CMSS1: variants seen among roughly 807,000 people sequenced by gnomAD.
CMSS1 encodes protein CMSS1.
In CMSS1, 33 loss-of-function variants were observed where a neutral mutation model predicts 43.5. That is an observed-to-expected ratio of 0.76 (90% CI 0.57 to 1.01). The LOEUF is 1.01. Ranked by LOEUF, CMSS1 falls within the 50% of genes least tolerant of loss-of-function variation. The pLI is 0.00. For synonymous variants in CMSS1, 115 were observed against 117.2 expected, an observed-to-expected ratio of 0.98 and a Z score of 0.12; for missense variants, 313 against 326.4, an observed-to-expected ratio of 0.96 and a Z score of 0.32.
chr3:99,950,006 C>A (rs925454502), intron 1 of CMSS1, among the ~76,000 whole-genome samples: 3 of 152,118 alleles, frequency 2.0e-5, no homozygotes, highest in African/African-American at 4.8e-5. Flanking sequence ...CAAAGGTATG[C>A]TTCTACCTTC....
intron 1 of CMSS1, among the ~76,000 whole-genome samples, chr3:100,033,692 C>CT (rs2065058346): frequency 6.6e-6 from 1 of 152,070 alleles, no homozygotes; most frequent in African/African-American, 2.4e-5. Context: ...GAAAGTGCCT[C>CT]TTTGACAATT....
At chr3:100,121,797 C>T (rs2066623894) in intron 1 of CMSS1, among the ~76,000 whole-genome samples, 1 of 152,114 alleles carries the variant, frequency 6.6e-6, no homozygotes, top group South Asian at 2.1e-4. Flanking sequence ...GGTGTCACCT[C>T]AATACATGTT....
At chr3:100,054,399 G>A (rs966368753) in intron 1 of CMSS1, among the ~76,000 whole-genome samples, 2 of 152,184 alleles carry the variant, frequency 1.3e-5, no homozygotes, top group African/African-American at 4.8e-5. Context: ...GGCCAGAGCT[G>A]GGGAGTGGCT....
At chr3:99,848,119 AGGCAACAGTTAGTTTCAGATACTC>A in intron 1 of CMSS1, 2 of 1,465,826 alleles carry the variant, frequency 1.4e-6, no homozygotes. Context: ...ATGACTATGC[AGGCAACAGTTAGTTTCAGATACTC>A]TTGTATAGTT....
intron 1 of CMSS1, among the ~76,000 whole-genome samples, chr3:99,959,503 G>A (rs1294210628): frequency 6.6e-6 from 1 of 152,080 alleles, no homozygotes; most frequent in Non-Finnish European, 1.5e-5. Context: ...AAAAAGAAGA[G>A]GAATTAAGTC....
At chr3:99,886,113 G>A (rs951619906) in intron 1 of CMSS1, among the ~76,000 whole-genome samples, 7 of 152,358 alleles carry the variant, frequency 4.6e-5, no homozygotes, top group African/African-American at 1.7e-4. Context: ...GTGTGCACAC[G>A]TGCACATGGA....
At chr3:100,042,743 G>T (rs1206964893) in intron 1 of CMSS1, among the ~76,000 whole-genome samples, 2 of 152,098 alleles carry the variant, frequency 1.3e-5, no homozygotes, top group African/African-American at 2.4e-5. Context: ...TAACCCAGTT[G>T]CTATAACCAT....
At chr3:100,040,398 T>C (rs1015042651) in intron 1 of CMSS1, 8 of 152,220 alleles carry the variant, frequency 5.3e-5, no homozygotes, top group Non-Finnish European at 1.2e-4. Context: ...TAGTTCCAGA[T>C]AATAGCATTC....
intron 1 of CMSS1, among the ~76,000 whole-genome samples, chr3:99,878,854 G>A (rs1299897708): frequency 6.6e-6 from 1 of 152,182 alleles, no homozygotes; most frequent in Non-Finnish European, 1.5e-5. Flanking sequence ...AAGTAGATGA[G>A]TAGACTTTTA....
At chr3:100,127,795 T>C (rs1205594192) in intron 1 of CMSS1, among the ~76,000 whole-genome samples, 1 of 152,162 alleles carries the variant, frequency 6.6e-6, no homozygotes, top group East Asian at 1.9e-4. Context: ...CTTGTTGAAG[T>C]AGTTGTGCTT....
chr3:99,959,122 A>G (rs1239479806), intron 1 of CMSS1, among the ~76,000 whole-genome samples: 3 of 152,178 alleles, frequency 2.0e-5, no homozygotes, highest in Admixed American at 6.5e-5. Flanking sequence ...GTAAATGTTC[A>G]AGTAGTTTCC....
chr3:99,881,539 T>C (rs1390751380), intron 1 of CMSS1, among the ~76,000 whole-genome samples: 11 of 148,212 alleles, frequency 7.4e-5, no homozygotes, highest in Admixed American at 1.3e-4. Flanking sequence ...CTCTCTCTCT[T>C]TTTTTTTTTT....
At chr3:99,897,860 A>G (rs1706309080) in intron 1 of CMSS1, among the ~76,000 whole-genome samples, 1 of 152,238 alleles carries the variant, frequency 6.6e-6, no homozygotes, top group South Asian at 2.1e-4. Context: ...CTGCTGAAAT[A>G]TATGTGGTAA....
intron 1 of CMSS1, among the ~76,000 whole-genome samples, chr3:100,028,809 A>C (rs1442793340): frequency 6.6e-6 from 1 of 152,178 alleles, no homozygotes; most frequent in Non-Finnish European, 1.5e-5. Context: ...AAGCTATCAC[A>C]CCAACTGTAC....
intron 1 of CMSS1, among the ~76,000 whole-genome samples, chr3:99,870,563 T>C (rs1384816423): frequency 1.3e-5 from 2 of 152,218 alleles, no homozygotes; most frequent in Non-Finnish European, 2.9e-5. Context: ...TCCATGCTAG[T>C]AGCTATAGCT....
intron 1 of CMSS1, among the ~76,000 whole-genome samples, chr3:100,117,832 T>TATATATATATATATATATATAC: frequency 1.1e-5 from 1 of 90,376 alleles, no homozygotes; most frequent in Non-Finnish European, 2.2e-5. Flanking sequence ...GCAGTATATA[T>TATATATATATATATATATATAC]ATATATATAT....
intron 1 of CMSS1, among the ~76,000 whole-genome samples, chr3:100,058,309 C>G (rs1308073885): frequency 6.6e-6 from 1 of 152,208 alleles, no homozygotes; most frequent in Non-Finnish European, 1.5e-5. Flanking sequence ...CTGTGATAAG[C>G]TCCTACTTAC....
chr3:99,925,194 A>G (rs1271369954), intron 1 of CMSS1, among the ~76,000 whole-genome samples: 7 of 152,210 alleles, frequency 4.6e-5, no homozygotes, highest in Non-Finnish European at 1.0e-4. Context: ...AGGTATTTCC[A>G]TTAAAATAGA....
intron 1 of CMSS1, chr3:99,851,080 G>T (rs1447628945): frequency 6.4e-7 from 1 of 1,560,088 alleles, no homozygotes; most frequent in Admixed American, 2.0e-5. Context: ...TCTGAAAAAT[G>T]TAAAGTGCAT....
Sources: allele counts gnomAD v4.1 joint callset (sites outside exome capture counted in the v4.1 genomes callset), GRCh38; gene constraint gnomAD v4.1.1; transcripts MANE v1.5; gene names NCBI Gene and HGNC (gene_info 2026-07-23, HGNC 2026-07-21).